The following TTC27 variants were observed in gnomAD, a reference collection of about 807,000 sequenced individuals.
TTC27 encodes tetratricopeptide repeat protein 27.
A neutral mutation model predicts 115.9 loss-of-function variants in TTC27; 79 were observed. That is an observed-to-expected ratio of 0.68 (90% CI 0.57 to 0.82). The LOEUF (loss-of-function observed/expected upper bound fraction) is 0.82. Ranked by LOEUF, TTC27 falls within the 40% of genes least tolerant of loss-of-function variation. The pLI, the probability that TTC27 is intolerant of heterozygous loss-of-function variation, is 0.00. For missense variants in TTC27, 1,054 were observed against 993.1 expected, an observed-to-expected ratio of 1.06 and a Z score of -0.82; for synonymous variants, 401 against 356.0, an observed-to-expected ratio of 1.13 and a Z score of -1.42.
chr2:32,802,052 T>C (rs1263463942), intron 16 of TTC27, among the ~76,000 whole-genome samples: 1 of 151,986 alleles, frequency 6.6e-6, no homozygotes, highest in South Asian at 2.1e-4. Context: ...TATATGGATA[T>C]ATGCATATTC....
intron 9 of TTC27, among the ~76,000 whole-genome samples, chr2:32,688,197 T>C (rs17012090): frequency 0.09 from 13,678 of 152,172 alleles, 1,053 homozygotes; most frequent in African/African-American, 0.21. Flanking sequence ...ACTCCAGATG[T>C]TTGTAAACCA....
chr2:32,756,811 G>C (rs1056851350), intron 12 of TTC27, among the ~76,000 whole-genome samples: 1 of 152,226 alleles, frequency 6.6e-6, no homozygotes, highest in African/African-American at 2.4e-5. Flanking sequence ...TTTACGTGAA[G>C]GCGTGTGTGT....
Position 32,630,697 on chromosome 2 carries a change from A to G in TTC27, c.263A>G (p.Glu88Gly), listed in dbSNP as rs1343213515. Residue 88 changes from glutamate to glycine, a missense_variant, in exon 2 of 20, where the codon GAA (glutamate) becomes GGA (glycine). Physicochemically the swap from Glu to Gly is moderately conservative, Grantham distance 98 (BLOSUM62 -2). Transcript: ENST00000317907. Reference protein sequence around the residue: ...LDYSTDLDTTERQQLIFLLGV... With the variant: ...LDYSTDLDTTGRQQLIFLLGV... ...TACTCAACAGATTTGGACACAACGGAAAGGTAGAATTTTATTTGAAATTTT... is the reference window on the plus strand; with the variant it reads ...TACTCAACAGATTTGGACACAACGGGAAGGTAGAATTTTATTTGAAATTTT... The G allele has an allele frequency of 6.2e-7, 1 of 1,600,524 alleles. No individual in the cohort carries two copies. Among genetic ancestry groups the G allele is most frequent in the Non-Finnish European group, 8.5e-7 (1 of 1,175,608 alleles).
chr2:32,678,846 T>G lies in TTC27; in HGVS notation c.1053-10T>G. 3 of 1,598,338 alleles carry G rather than the reference T, an allele frequency of 1.9e-6. No homozygotes were observed. The highest frequency in any genetic ancestry group is 1.7e-4 in the Middle Eastern group (1 of 5,950). On this transcript the variant is annotated splice_polypyrimidine_tract_variant and intron_variant, in intron 8 of 19. Transcript: ENST00000317907. ...TTATAATTAATTTACCTTTTTTTCT[T>G]AATTTAAAGCACTAATTTTCAAAAG...
At chr2:32,805,314 T>C (rs141873611) in intron 16 of TTC27, among the ~76,000 whole-genome samples, 284 of 152,344 alleles carry the variant, frequency 1.9e-3, no homozygotes, top group Non-Finnish European at 3.1e-3. Context: ...AGAGGTGTTA[T>C]CTGCCTCATT....
chr2:32,679,631 C>T (rs571643726), intron 9 of TTC27, among the ~76,000 whole-genome samples: 1 of 152,082 alleles, frequency 6.6e-6, no homozygotes, highest in Non-Finnish European at 1.5e-5. Flanking sequence ...ATTTAGAATT[C>T]TGTTGTTTTC....
intron 12 of TTC27, among the ~76,000 whole-genome samples, chr2:32,756,052 A>G (rs1376463653): frequency 6.6e-6 from 1 of 152,204 alleles, no homozygotes; most frequent in Non-Finnish European, 1.5e-5. Context: ...ACCCAACCAG[A>G]TCAGATACCA....
At chr2:32,704,948 A>G in intron 10 of TTC27, 1 of 470,740 alleles carries the variant, frequency 2.1e-6, no homozygotes, top group Non-Finnish European at 4.4e-6. Flanking sequence ...TCCCCAAGTA[A>G]AGTTACTCTA....
chr2:32,719,431 C>T (rs1667853262), intron 10 of TTC27, among the ~76,000 whole-genome samples: 2 of 152,182 alleles, frequency 1.3e-5, no homozygotes, highest in African/African-American at 4.8e-5. Flanking sequence ...ATTAGCTCTG[C>T]ATCAAATATA....
At chr2:32,721,370 G>A (rs533039279) in intron 10 of TTC27, among the ~76,000 whole-genome samples, 9 of 152,198 alleles carry the variant, frequency 5.9e-5, no homozygotes, top group East Asian at 1.9e-4. Flanking sequence ...TCCCAGTCTC[G>A]GAGATAGCTG....
chr2:32,638,413 C>G (rs903594788), intron 3 of TTC27, among the ~76,000 whole-genome samples: 1 of 152,140 alleles, frequency 6.6e-6, no homozygotes, highest in Non-Finnish European at 1.5e-5. Context: ...CAGTCTCGCT[C>G]TGTCGCCCCG....
At chr2:32,812,145 C>A (rs1671337180) in intron 17 of TTC27, among the ~76,000 whole-genome samples, 1 of 152,166 alleles carries the variant, frequency 6.6e-6, no homozygotes, top group African/African-American at 2.4e-5. Context: ...ATATATCTAC[C>A]AGCAGTTTCA....
intron 18 of TTC27, among the ~76,000 whole-genome samples, chr2:32,815,421 T>C (rs958974435): frequency 1.8e-4 from 27 of 151,658 alleles, no homozygotes; most frequent in Non-Finnish European, 3.2e-4. Context: ...GTATTTTTAA[T>C]AGAGACAGGG....
At chr2:32,660,366 G>T (rs545321052) in intron 5 of TTC27, among the ~76,000 whole-genome samples, 8 of 152,106 alleles carry the variant, frequency 5.3e-5, no homozygotes, top group Non-Finnish European at 1.0e-4. Context: ...ATCAATGATA[G>T]ACTGGATAAA....
chr2:32,768,009 G>A (rs1469897286), intron 13 of TTC27, among the ~76,000 whole-genome samples: 1 of 152,026 alleles, frequency 6.6e-6, no homozygotes, highest in African/African-American at 2.4e-5. Flanking sequence ...AAAATACTAA[G>A]ATCATATTGA....
intron 16 of TTC27, among the ~76,000 whole-genome samples, chr2:32,798,637 G>A (rs999425588): frequency 4.7e-5 from 7 of 149,624 alleles, no homozygotes; most frequent in Non-Finnish European, 1.0e-4. Flanking sequence ...CCCGGGAGGT[G>A]GAGCTTACCG....
chr2:32,676,218 C>G (rs1443482149), intron 8 of TTC27, among the ~76,000 whole-genome samples: 2 of 151,968 alleles, frequency 1.3e-5, no homozygotes, highest in Non-Finnish European at 2.9e-5. Context: ...CGACCAAATG[C>G]TGGAACTTGC....
chr2:32,681,321 C>G (rs1480770734), intron 9 of TTC27, among the ~76,000 whole-genome samples: 2 of 152,094 alleles, frequency 1.3e-5, no homozygotes, highest in Non-Finnish European at 2.9e-5. Context: ...ATGAAACATA[C>G]AAAATAAACC....
At chr2:32,699,528 A>T (rs1351895021) in intron 9 of TTC27, among the ~76,000 whole-genome samples, 1 of 152,226 alleles carries the variant, frequency 6.6e-6, no homozygotes, top group Non-Finnish European at 1.5e-5. Flanking sequence ...AAATTTTTTT[A>T]AAATGCCATT....
Sources: gnomAD v4.1 joint callset for allele counts (sites outside exome capture counted in the v4.1 genomes callset) on GRCh38, gnomAD v4.1.1 for gene constraint, MANE v1.5 for transcripts, NCBI Gene and HGNC (gene_info 2026-07-23, HGNC 2026-07-21) for gene names.